Variants in PIGL observed in about 807,000 individuals in gnomAD.
PIGL encodes N-acetylglucosaminyl-phosphatidylinositol de-N-acetylase.
A neutral mutation model predicts 31.1 loss-of-function variants in PIGL; 22 were observed. That is an observed-to-expected ratio of 0.71 (90% CI 0.51 to 1.01). The LOEUF is 1.01. Ranked by LOEUF, PIGL falls within the 50% of genes least tolerant of loss-of-function variation. The pLI is 0.00. For synonymous variants in PIGL, 131 were observed against 117.4 expected (o/e 1.12, Z -0.75); for missense variants, 302 against 315.9 (o/e 0.96, Z 0.33).
In PIGL at chr17:16,217,261, C is replaced by T; in HGVS notation, c.35C>T (p.Ala12Val). 1 of 1,614,096 alleles carries T rather than the reference C, an allele frequency of 6.2e-7. No homozygotes were observed. Among genetic ancestry groups the T allele is most frequent in the Non-Finnish European group, 8.5e-7 (1 of 1,180,012 alleles). Residue 12 changes from alanine to valine, a missense_variant, in exon 1 of 7, where the codon GCG (alanine) becomes GTG (valine). By Grantham distance (64) the Ala-to-Val change is moderately conservative. Transcript: ENST00000225609. ...ATGTGGCTCCTGTGTGTGGCGTTGG[C>T]GGTCTTGGCATGGGGCTTCCTCTGG... ...EAMWLLCVALAVLAWGFLWVW... is the reference protein window; with the variant it reads ...EAMWLLCVALVVLAWGFLWVW...
chr17:16,219,266 T>C (rs2092614901), intron 1 of PIGL, among the ~76,000 whole-genome samples: 1 of 151,704 alleles, frequency 6.6e-6, no homozygotes, highest in African/African-American at 2.4e-5. Context: ...TTCACTGTGT[T>C]AGCCAGGATG....
At chr17:16,271,910 G>T (rs936450216) in intron 2 of PIGL, among the ~76,000 whole-genome samples, 1 of 151,672 alleles carries the variant, frequency 6.6e-6, no homozygotes, top group Non-Finnish European at 1.5e-5. Flanking sequence ...ATTATTTTTT[G>T]AGACATAGTT....
At chr17:16,250,035 C>T (rs557260327) in intron 2 of PIGL, among the ~76,000 whole-genome samples, 37 of 152,236 alleles carry the variant, frequency 2.4e-4, no homozygotes, top group African/African-American at 8.4e-4. Context: ...CAACCTCCAC[C>T]TCTTGGATTC....
intron 2 of PIGL, among the ~76,000 whole-genome samples, chr17:16,292,505 C>T (rs1162723513): frequency 6.6e-6 from 1 of 152,034 alleles, no homozygotes; most frequent in East Asian, 1.9e-4. Flanking sequence ...ATGTGCTTTT[C>T]ATTTCACCAT....
chr17:16,297,303 C>T (rs1348623302), intron 2 of PIGL, among the ~76,000 whole-genome samples: 5 of 152,178 alleles, frequency 3.3e-5, no homozygotes, highest in Middle Eastern at 3.2e-3. Flanking sequence ...CTTCCTGCAT[C>T]GCCCCTCAAA....
At chr17:16,258,955 A>C (rs940871651) in intron 2 of PIGL, among the ~76,000 whole-genome samples, 3 of 152,238 alleles carry the variant, frequency 2.0e-5, no homozygotes, top group African/African-American at 7.2e-5. Context: ...TCCAGAAGAA[A>C]GGTTATTGGG....
chr17:16,326,253 C>T lies in PIGL; in HGVS notation c.*355C>T, dbSNP rs1472526549. On this transcript the variant is annotated 3_prime_UTR_variant, in exon 7 of 7. Coordinates refer to ENST00000225609, the MANE Select transcript of PIGL (RefSeq NM_004278.4). Reference sequence around the variant, plus strand: ...AATGAACATAAAAGTGCTCTAAAAACACTCCACAGATGTGACTTTTACATT... The same window carrying T: ...AATGAACATAAAAGTGCTCTAAAAATACTCCACAGATGTGACTTTTACATT... 4.7e-6 allele frequency: 1 copy of T among 212,966 alleles called. No individual in the cohort carries two copies. Among genetic ancestry groups the T allele is most frequent in the Non-Finnish European group, 9.3e-6 (1 of 107,380 alleles). 13.2% of individuals were successfully genotyped at this position (212,966 alleles called of 1,614,324 possible).
At chr17:16,254,577 A>G (rs2092785964) in intron 2 of PIGL, among the ~76,000 whole-genome samples, 1 of 145,980 alleles carries the variant, frequency 6.9e-6, no homozygotes, top group Non-Finnish European at 1.5e-5. Context: ...ATATACATGA[A>G]TTTTTTTGTT....
At chr17:16,260,003 G>GCAC (rs1324772443) in intron 2 of PIGL, among the ~76,000 whole-genome samples, 1 of 152,182 alleles carries the variant, frequency 6.6e-6, no homozygotes, top group Non-Finnish European at 1.5e-5. Context: ...CTGAGCCCAG[G>GCAC]CACTGTCGCA....
chr17:16,219,065 A>AT (rs766541353), intron 1 of PIGL, among the ~76,000 whole-genome samples: 5,841 of 81,616 alleles, frequency 0.072, 244 homozygotes, highest in African/African-American at 0.086. Context: ...TTTTTTATAA[A>AT]TTTTTTTTTT....
intron 1 of PIGL, among the ~76,000 whole-genome samples, chr17:16,224,227 G>A (rs1232620805): frequency 6.6e-6 from 1 of 152,030 alleles, no homozygotes. Flanking sequence ...GTCTCAGGGG[G>A]AAAAGAAAGC....
intron 2 of PIGL, among the ~76,000 whole-genome samples, chr17:16,240,358 T>C (rs767001178): frequency 1.3e-5 from 2 of 152,144 alleles, no homozygotes; most frequent in Non-Finnish European, 2.9e-5. Flanking sequence ...TATTTCTTTA[T>C]AGCAATGTGA....
chr17:16,317,767 C>T lies in PIGL; in HGVS notation c.527-8C>T. ...CTTATCACTTCACCCTGTCTCCTCT[C>T]CATCCAGGGTGCTCTGTGCTCACGC... On this transcript the variant is annotated splice_polypyrimidine_tract_variant and splice_region_variant and intron_variant, in intron 5 of 6. Transcript: ENST00000225609. The T allele has an allele frequency of 6.2e-7, 1 of 1,613,672 alleles. No individual in the cohort carries two copies. Among genetic ancestry groups the T allele is most frequent in the Non-Finnish European group, 8.5e-7 (1 of 1,179,960 alleles).
chr17:16,253,682 G>A (rs2092781998), intron 2 of PIGL, among the ~76,000 whole-genome samples: 2 of 152,098 alleles, frequency 1.3e-5, no homozygotes, highest in South Asian at 2.1e-4. Context: ...AGTGGCTCAT[G>A]CCTGTAATCC....
intron 1 of PIGL, among the ~76,000 whole-genome samples, chr17:16,231,488 C>T (rs2092679316): frequency 1.3e-5 from 2 of 151,932 alleles, no homozygotes; most frequent in African/African-American, 4.8e-5. Flanking sequence ...GATCCTCTTG[C>T]CACAGCCTTC....
chr17:16,251,357 A>G (rs138590243), intron 2 of PIGL, among the ~76,000 whole-genome samples: 17 of 151,530 alleles, frequency 1.1e-4, no homozygotes, highest in African/African-American at 3.9e-4. Context: ...CAAGAGGTCA[A>G]GGTTGCAGTG....
chr17:16,240,987 C>T (rs1157967521), intron 2 of PIGL, among the ~76,000 whole-genome samples: 4 of 150,050 alleles, frequency 2.7e-5, no homozygotes, highest in Admixed American at 2.7e-4. Flanking sequence ...GGTGGCACAT[C>T]CCTGTAATCC....
chr17:16,294,877 C>T (rs1568829043), intron 2 of PIGL, among the ~76,000 whole-genome samples: 1 of 152,170 alleles, frequency 6.6e-6, no homozygotes, highest in Non-Finnish European at 1.5e-5. Context: ...CACCACTGCT[C>T]CCCTTCCATG....
At chr17:16,239,328 A>G (rs2092713240) in intron 2 of PIGL, among the ~76,000 whole-genome samples, 1 of 151,560 alleles carries the variant, frequency 6.6e-6, no homozygotes, top group Non-Finnish European at 1.5e-5. Flanking sequence ...CTAAAGATAC[A>G]AAAAATTAGC....
Sources: gnomAD v4.1 joint callset for allele counts (sites outside exome capture counted in the v4.1 genomes callset) on GRCh38, gnomAD v4.1.1 for gene constraint, MANE v1.5 for transcripts, NCBI Gene and HGNC (gene_info 2026-07-23, HGNC 2026-07-21) for gene names.